Variants in PRKCE observed in about 807,000 individuals in gnomAD.
PRKCE encodes the protein protein kinase C epsilon type.
In PRKCE, 16 loss-of-function variants were observed where a neutral mutation model predicts 85.4. The ratio of observed to expected loss-of-function variants is 0.19; its 90% CI spans 0.13 to 0.28. The LOEUF (loss-of-function observed/expected upper bound fraction) is 0.28. Among genes scored for constraint, PRKCE ranks in the 10% least tolerant of loss-of-function variants. The probability of loss-of-function intolerance (pLI) is 1.00; values close to 1 mark genes in which losing one functional copy is unlikely to be tolerated. For missense variants in PRKCE, 573 were observed against 975.2 expected (o/e 0.59, Z 5.49); for synonymous variants, 388 against 371.5 (o/e 1.04, Z -0.51).
chr2:45,762,909 G>C (rs1669461287), intron 1 of PRKCE, among the ~76,000 whole-genome samples: 1 of 151,954 alleles, frequency 6.6e-6, no homozygotes, highest in African/African-American at 2.4e-5. Flanking sequence ...CTGGGAGAAA[G>C]CTGTGTCTCT....
chr2:45,751,527 G>A (rs1233306617), intron 1 of PRKCE, among the ~76,000 whole-genome samples: 1 of 151,998 alleles, frequency 6.6e-6, no homozygotes. Flanking sequence ...CAGTTCCTAT[G>A]TATAACTCTT....
At chr2:46,096,998 C>T (rs997020278) in intron 11 of PRKCE, among the ~76,000 whole-genome samples, 1 of 152,146 alleles carries the variant, frequency 6.6e-6, no homozygotes, top group Non-Finnish European at 1.5e-5. Flanking sequence ...GTTACAGGTA[C>T]CCCCACGATG....
intron 2 of PRKCE, among the ~76,000 whole-genome samples, chr2:45,866,292 T>G (rs1218802609): frequency 6.6e-6 from 1 of 152,140 alleles, no homozygotes; most frequent in Non-Finnish European, 1.5e-5. Context: ...ATTTATTTAA[T>G]TAATTAATTA....
chr2:45,839,552 G>C (rs1280129269), intron 1 of PRKCE, among the ~76,000 whole-genome samples: 1 of 152,228 alleles, frequency 6.6e-6, no homozygotes, highest in Non-Finnish European at 1.5e-5. Flanking sequence ...ATGGCTGGGA[G>C]GAGGTAGCGA....
intron 2 of PRKCE, among the ~76,000 whole-genome samples, chr2:45,865,199 G>A (rs1439540587): frequency 6.6e-6 from 1 of 152,168 alleles, no homozygotes; most frequent in Non-Finnish European, 1.5e-5. Flanking sequence ...TGTGGAACAG[G>A]CTTTATGTAG....
chr2:45,742,660 T>A (rs188567696), intron 1 of PRKCE, among the ~76,000 whole-genome samples: 53 of 152,242 alleles, frequency 3.5e-4, no homozygotes, highest in African/African-American at 1.3e-3. Context: ...GGTGAGGATG[T>A]GGAGAAAAAG....
intron 10 of PRKCE, among the ~76,000 whole-genome samples, chr2:46,064,781 G>C (rs1667463724): frequency 6.6e-6 from 1 of 152,134 alleles, no homozygotes; most frequent in Non-Finnish European, 1.5e-5. Flanking sequence ...AATTCTCTTG[G>C]GCTCTTTCTG....
chr2:45,797,339 T>C (rs1000654908), intron 1 of PRKCE, among the ~76,000 whole-genome samples: 4 of 152,186 alleles, frequency 2.6e-5, no homozygotes, highest in African/African-American at 9.7e-5. Flanking sequence ...TCCTTGTCCT[T>C]ACTAGGGTTT....
rs574110496 is a variant in PRKCE, at chr2:46,053,805, G to A, written c.1438-32403G>A. ...GTTGCTTCTGCATTTTTGCAATTGCGAGTAATGCTGCTGTGAACATGGGCT... is the reference window on the plus strand; with the variant it reads ...GTTGCTTCTGCATTTTTGCAATTGCAAGTAATGCTGCTGTGAACATGGGCT... On this transcript the variant is annotated intron_variant, in intron 10 of 14. Transcript: ENST00000306156. Among the ~76,000 whole-genome samples the A allele has an allele frequency of 2.6e-5, 4 of 152,218 alleles. No individual in the cohort carries two copies. In the East Asian group the frequency reaches 5.8e-4, roughly 22 times the overall value.
Position 45,976,474 on chromosome 2 carries a change from C to T in PRKCE, c.458C>T (p.Pro153Leu), listed in dbSNP as rs1405418536. 2.5e-6 allele frequency: 4 copies of T among 1,599,618 alleles called. No homozygotes were observed. The highest frequency in any genetic ancestry group is 1.7e-5 in the Admixed American group (1 of 60,002). Residue 153 changes from proline (P) to leucine (L), a missense_variant, in exon 3 of 15, where the codon CCG (proline) becomes CTG (leucine). This residue lies in a region of PRKCE where 33 missense variants were observed against 33.7 expected (regional missense o/e 0.98). Transcript: ENST00000306156. ...EERVFRERMR[P>L]RKRQGAVRRR... ...CGTGTGTTCAGGGAACGCATGCGGC[C>T]GAGGAAGCGGCAGGGGGCCGTCAGG...
At chr2:46,178,025 TGA>T (rs1679593846) in intron 14 of PRKCE, among the ~76,000 whole-genome samples, 5 of 152,150 alleles carry the variant, frequency 3.3e-5, no homozygotes, top group Non-Finnish European at 5.9e-5. Context: ...TTTGGGAGGC[TGA>T]GGCAGGTGGG....
Position 45,716,572 on chromosome 2 carries a change from G to GAAGAAAAAGA in PRKCE, c.348+64130_348+64131insAAGAAAGAAA, listed in dbSNP as rs1680110028. ...AAGAAAGGAAGAAAAAGAAAGAAAG[G>GAAGAAAAAGA]AAGAAAGGAAGAAAGGAAGGAAGGA... On this transcript the variant is annotated intron_variant, in intron 1 of 14. Transcript: ENST00000306156. Among the ~76,000 whole-genome samples, 5 of 149,294 alleles carry GAAGAAAAAGA rather than the reference G, an allele frequency of 3.3e-5. No individual in the cohort carries two copies. In the South Asian group the frequency reaches 1.1e-3, roughly 32 times the overall value.
intron 12 of PRKCE, among the ~76,000 whole-genome samples, chr2:46,148,119 G>A (rs1676261960): frequency 6.6e-6 from 1 of 152,206 alleles, no homozygotes; most frequent in Admixed American, 6.5e-5. Context: ...CACATGATAT[G>A]CCCCATGGCA....
rs914685778 is a variant in PRKCE, at chr2:45,835,166, G to A, written c.349-7834G>A. ...CCTTTTATTTTTAAAAATGGAATATGAAATTTTAAATGCTCCGAGGGTGGG... is the reference window on the plus strand; with the variant it reads ...CCTTTTATTTTTAAAAATGGAATATAAAATTTTAAATGCTCCGAGGGTGGG... On this transcript the variant is annotated intron_variant, in intron 1 of 14. Coordinates refer to ENST00000306156, the MANE Select transcript of PRKCE (RefSeq NM_005400.3). Among the ~76,000 whole-genome samples, 24 of 152,322 alleles carry A rather than the reference G, an allele frequency of 1.6e-4. 1 individual carries two copies. Among genetic ancestry groups the A allele is most frequent in the African/African-American group, 5.3e-4 (22 of 41,570 alleles).
chr2:46,103,769 A>G (rs1671458869), intron 11 of PRKCE, among the ~76,000 whole-genome samples: 1 of 152,206 alleles, frequency 6.6e-6, no homozygotes, highest in Non-Finnish European at 1.5e-5. Context: ...AATCATAAGG[A>G]AGAGAAATAT....
intron 1 of PRKCE, among the ~76,000 whole-genome samples, chr2:45,684,057 G>T (rs1408643442): frequency 6.6e-6 from 1 of 152,180 alleles, no homozygotes; most frequent in Non-Finnish European, 1.5e-5. Flanking sequence ...TGGTAGGAGG[G>T]AGTGAGAAAT....
intron 2 of PRKCE, among the ~76,000 whole-genome samples, chr2:45,919,956 G>A (rs1271094055): frequency 6.6e-6 from 1 of 152,220 alleles, no homozygotes; most frequent in Non-Finnish European, 1.5e-5. Flanking sequence ...GGGACAGTGG[G>A]AGAGGAGGAG....
chr2:46,169,481 A>G (rs1464994047), intron 14 of PRKCE, among the ~76,000 whole-genome samples: 6 of 152,188 alleles, frequency 3.9e-5, no homozygotes, highest in Non-Finnish European at 5.9e-5. Flanking sequence ...TTCTTGGAGC[A>G]CAGAGCTTGG....
chr2:46,007,564 C>T lies in PRKCE; in HGVS notation c.1166C>T (p.Pro389Leu), dbSNP rs55767130. ...TCTCCTGATGGCCAGCTGATGAGCCCCGGTGAGAATGGCGAAGTCCGGCAA... is the reference window on the plus strand; with the variant it reads ...TCTCCTGATGGCCAGCTGATGAGCCTCGGTGAGAATGGCGAAGTCCGGCAA... ...ASSPDGQLMS[P>L]GENGEVRQGQ... Residue 389 changes from proline (P) to leucine (L), a missense_variant, in exon 9 of 15, where the codon CCC becomes CTC. Physicochemically the swap from Pro to Leu is moderately conservative, Grantham distance 98. This residue lies in a region of PRKCE where 117 missense variants were observed against 104.8 expected (regional missense o/e 1.12). Coordinates refer to ENST00000306156, the MANE Select transcript of PRKCE (RefSeq NM_005400.3). The T allele has an allele frequency of 1.3e-6, 2 of 1,599,776 alleles. No homozygotes were observed.
Sources: allele counts gnomAD v4.1 joint callset (sites outside exome capture counted in the v4.1 genomes callset), GRCh38; gene constraint gnomAD v4.1.1; regional missense constraint gnomAD v4.1.1; transcripts MANE v1.5; gene names NCBI Gene and HGNC (gene_info 2026-07-23, HGNC 2026-07-21).